RCSD1: variants seen among roughly 807,000 people sequenced by gnomAD.
RCSD1 encodes capZ-interacting protein.
In RCSD1, 26 loss-of-function variants were observed where a neutral mutation model predicts 42.5. The ratio of observed to expected loss-of-function variants is 0.61; its 90% CI spans 0.45 to 0.85. The LOEUF (loss-of-function observed/expected upper bound fraction) is 0.85, where lower values mean the gene tolerates loss of function less well. RCSD1 is among the 40% of genes least tolerant of loss of function. The pLI, the probability that RCSD1 is intolerant of heterozygous loss-of-function variation, is 0.00. For synonymous variants in RCSD1, 220 were observed against 212.2 expected (o/e 1.04, Z -0.32); for missense variants, 571 against 528.3 (o/e 1.08, Z -0.79).
intron 1 of RCSD1, among the ~76,000 whole-genome samples, chr1:167,631,660 T>C (rs1657699764): frequency 6.6e-6 from 1 of 152,182 alleles, no homozygotes; most frequent in African/African-American, 2.4e-5. Flanking sequence ...AGTTTTAAAA[T>C]TTTTTGTAGA....
At chr1:167,655,579 C>T (rs992068745) in intron 1 of RCSD1, among the ~76,000 whole-genome samples, 1 of 152,114 alleles carries the variant, frequency 6.6e-6, no homozygotes, top group Non-Finnish European at 1.5e-5. Context: ...GGGAACACAC[C>T]ACTGCTGCAT....
chr1:167,708,362 A>G lies in RCSD1; in HGVS notation c.*3666A>G, dbSNP rs1239883162. Among the ~76,000 whole-genome samples, 1 of 152,228 alleles carries G rather than the reference A, an allele frequency of 6.6e-6. No homozygotes were observed. The highest frequency in any genetic ancestry group is 2.4e-5 in the African/African-American group (1 of 41,454). On this transcript the variant is annotated 3_prime_UTR_variant, in exon 7 of 7. Transcript: ENST00000367854. ...AATTACTATCCCATTGTTTGCTTCA[A>G]AATTAAATTTTGTTTGACCCCAACT...
At position 167,697,241 on chromosome 1, in the gene RCSD1, T is replaced by G. The variant is rs775735068; in HGVS notation, c.617T>G (p.Val206Gly). The change falls in exon 6 of 7, where the codon GTG (valine) becomes GGG (glycine). Residue 206 changes from valine (V) to glycine (G), a missense_variant. By Grantham distance (109) the Val-to-Gly change is moderately radical (BLOSUM62 -3). Transcript: ENST00000367854. The stretch of plus-strand genomic sequence containing the variant: ...GCTAAGGAAGAGGATGGGGATGAAG[T>G]GTTGCCATCCAAGAGCAAGGCCCCA... ...NGAKEEDGDEVLPSKSKAPGS... is the reference protein window; with the variant it reads ...NGAKEEDGDEGLPSKSKAPGS... 1 of 1,614,082 alleles carries G rather than the reference T, an allele frequency of 6.2e-7. No homozygotes were observed. The highest frequency in any genetic ancestry group is 1.1e-5 in the South Asian group (1 of 91,076).
intron 3 of RCSD1, 147 bp from the exon 4 acceptor site, chr1:167,689,902 C>A: frequency 2.9e-6 from 2 of 700,652 alleles, no homozygotes; most frequent in Non-Finnish European, 2.5e-6. Flanking sequence ...TCGCCCAGGC[C>A]CTAATGAAGT....
intron 1 of RCSD1, among the ~76,000 whole-genome samples, chr1:167,667,764 T>G (rs1658694483): frequency 6.6e-6 from 1 of 152,234 alleles, no homozygotes; most frequent in African/African-American, 2.4e-5. Flanking sequence ...CCTCCCTGGA[T>G]GACAATTTGT....
intron 6 of RCSD1, among the ~76,000 whole-genome samples, chr1:167,700,445 G>A (rs887190292): frequency 2.6e-5 from 4 of 151,898 alleles, no homozygotes; most frequent in Admixed American, 1.3e-4. Flanking sequence ...TCAGGAGATC[G>A]AGACCATCCT....
At chr1:167,647,838 T>A (rs759512193) in intron 1 of RCSD1, among the ~76,000 whole-genome samples, 1 of 152,232 alleles carries the variant, frequency 6.6e-6, no homozygotes, top group Non-Finnish European at 1.5e-5. Context: ...CTAGTCACTT[T>A]GTTTTAAAAT....
At chr1:167,655,211 C>T (rs537479848) in intron 1 of RCSD1, among the ~76,000 whole-genome samples, 29 of 152,238 alleles carry the variant, frequency 1.9e-4, no homozygotes, top group Non-Finnish European at 3.2e-4. Context: ...CTGACATCAC[C>T]CTTAGGCATC....
At chr1:167,660,997 A>G (rs959933212) in intron 1 of RCSD1, among the ~76,000 whole-genome samples, 4 of 152,206 alleles carry the variant, frequency 2.6e-5, no homozygotes, top group East Asian at 1.9e-4. Flanking sequence ...ATTGCTTTCA[A>G]CTAGGGGCCT....
chr1:167,644,315 A>G (rs924617170), intron 1 of RCSD1, among the ~76,000 whole-genome samples: 1 of 152,124 alleles, frequency 6.6e-6, no homozygotes, highest in Non-Finnish European at 1.5e-5. Context: ...CCCTTTCTCT[A>G]CTGAAAATAC....
chr1:167,703,357 C>T (rs1659687844), intron 6 of RCSD1, among the ~76,000 whole-genome samples: 3 of 152,090 alleles, frequency 2.0e-5, no homozygotes, highest in African/African-American at 7.2e-5. Context: ...GGAGCTCAAT[C>T]AATAATGGAA....
chr1:167,679,948 A>AG (rs1659040894), intron 1 of RCSD1, among the ~76,000 whole-genome samples: 2 of 152,198 alleles, frequency 1.3e-5, no homozygotes, highest in African/African-American at 4.8e-5. Flanking sequence ...GTCCAGACAC[A>AG]GGGGCTCCTC....
intron 1 of RCSD1, among the ~76,000 whole-genome samples, chr1:167,665,426 T>C (rs556517184): frequency 5.9e-5 from 9 of 152,372 alleles, no homozygotes; most frequent in African/African-American, 2.2e-4. Context: ...TCTTTGAAGA[T>C]TTGTATACAA....
intron 1 of RCSD1, among the ~76,000 whole-genome samples, chr1:167,648,058 T>A (rs1017130331): frequency 6.6e-6 from 1 of 152,242 alleles, no homozygotes; most frequent in African/African-American, 2.4e-5. Flanking sequence ...GCCAAATGCA[T>A]AATTCTTACA....
Position 167,697,368 on chromosome 1 carries a change from G to C in RCSD1, c.744G>C (p.Lys248Asn). ...PLRRSPSRTE[K>N]QEEDRATEEA... ...GGAGGTCACCCAGCAGGACAGAGAA[G>C]CAGGAGGAGGACAGGGCCACAGAGG... Residue 248 changes from lysine to asparagine, a missense_variant, in exon 6 of 7, where the codon AAG becomes AAC. By Grantham distance (94) the Lys-to-Asn change is moderately conservative. Transcript: ENST00000367854. 1 of 1,614,000 alleles carries C rather than the reference G, an allele frequency of 6.2e-7. No individual in the cohort carries two copies.
intron 1 of RCSD1, among the ~76,000 whole-genome samples, chr1:167,630,868 C>T (rs1657680298): frequency 6.6e-6 from 1 of 151,956 alleles, no homozygotes; most frequent in Non-Finnish European, 1.5e-5. Flanking sequence ...ACTGGCAACA[C>T]GAGGCCAGCA....
At chr1:167,636,586 T>TTTG (rs1553247447) in intron 1 of RCSD1, among the ~76,000 whole-genome samples, 2 of 152,076 alleles carry the variant, frequency 1.3e-5, no homozygotes, top group African/African-American at 4.8e-5. Flanking sequence ...TTTTGTTTTT[T>TTTG]TTTGTTTGTT....
rs1659747234 is a variant in RCSD1, at chr1:167,705,902, T to A, written c.*1206T>A. ...AAAAATGTTAATCCAAATACACATTTAAACTTAGGGTCGGTCCTTATTCTG... is the reference window on the plus strand; with the variant it reads ...AAAAATGTTAATCCAAATACACATTAAAACTTAGGGTCGGTCCTTATTCTG... On this transcript the variant is annotated 3_prime_UTR_variant, in exon 7 of 7. Transcript: ENST00000367854. The A allele has an allele frequency of 6.6e-6, 1 of 152,254 alleles. No homozygotes were observed. Among genetic ancestry groups the A allele is most frequent in the African/African-American group, 2.4e-5 (1 of 41,464 alleles). 9.4% of individuals were successfully genotyped at this position (152,254 alleles called of 1,614,324 possible).
intron 1 of RCSD1, 99 bp from the exon 2 acceptor site, chr1:167,683,801 A>T: frequency 9.0e-7 from 1 of 1,108,324 alleles, no homozygotes; most frequent in Non-Finnish European, 1.3e-6. Flanking sequence ...AAAATACCTC[A>T]CTGTCACAGC....
Sources: gnomAD v4.1 joint callset for allele counts (sites outside exome capture counted in the v4.1 genomes callset) on GRCh38, gnomAD v4.1.1 for gene constraint, MANE v1.5 for transcripts, NCBI Gene and HGNC (gene_info 2026-07-23, HGNC 2026-07-21) for gene names.